Variants in EPHA3 observed in about 807,000 individuals in gnomAD.
The protein encoded by EPHA3 is EPH receptor A3.
A neutral mutation model predicts 107.1 loss-of-function variants in EPHA3; 42 were observed. The observed-to-expected ratio is 0.39, with a 90% CI of 0.31 to 0.51. The LOEUF is 0.51. Among genes scored for constraint, EPHA3 ranks in the 20% least tolerant of loss-of-function variants. EPHA3 has a pLI of 0.78. For missense variants in EPHA3, 1,183 were observed against 1,211.2 expected (o/e 0.98, Z 0.35); for synonymous variants, 461 against 424.8 (o/e 1.09, Z -1.05).
chr3:89,313,043 C>T (rs573911544), intron 3 of EPHA3, among the ~76,000 whole-genome samples: 2 of 152,012 alleles, frequency 1.3e-5, no homozygotes, highest in East Asian at 1.9e-4. Context: ...TTGCAGTGAA[C>T]GTATGTGTGC....
chr3:89,210,554 T>C, intron 3 of EPHA3, 34 bp downstream of exon 3: 1 of 1,514,272 alleles, frequency 6.6e-7, no homozygotes, highest in South Asian at 1.4e-5. Context: ...TTGAGCAATA[T>C]TTCTCACCTA....
intron 3 of EPHA3, among the ~76,000 whole-genome samples, chr3:89,219,171 T>G (rs973452929): frequency 4.6e-5 from 7 of 152,120 alleles, no homozygotes; most frequent in Admixed American, 4.6e-4. Context: ...ACAACATTTT[T>G]TTTTTTTTCG....
rs142263793 is a variant in EPHA3, at chr3:89,384,959, C to A, written c.1307-10878C>A. Among the ~76,000 whole-genome samples, 548 of 152,208 alleles carry A rather than the reference C, an allele frequency of 3.6e-3. 4 individuals carry two copies. The highest frequency in any genetic ancestry group is 0.012 in the African/African-American group (513 of 41,516). On this transcript the variant is annotated intron_variant, in intron 5 of 16. Transcript: ENST00000336596. ...CTAAAGAGATAAAAATATTGTAGAACATCCCAGAAAAGAGATAAGAATATT... is the reference window on the plus strand; with the variant it reads ...CTAAAGAGATAAAAATATTGTAGAAAATCCCAGAAAAGAGATAAGAATATT...
chr3:89,286,900 G>A (rs1379651922), intron 3 of EPHA3, among the ~76,000 whole-genome samples: 1 of 151,992 alleles, frequency 6.6e-6, no homozygotes, highest in African/African-American at 2.4e-5. Flanking sequence ...TCTGCAACAT[G>A]TCCTTGTTTT....
intron 3 of EPHA3, among the ~76,000 whole-genome samples, chr3:89,216,811 A>G (rs1345582566): frequency 6.6e-6 from 1 of 152,132 alleles, no homozygotes; most frequent in Non-Finnish European, 1.5e-5. Flanking sequence ...TTCAGAATAC[A>G]TGTAATGATT....
At position 89,147,747 on chromosome 3, in the gene EPHA3, A is replaced by G. The variant is rs182708324; in HGVS notation, c.153+20474A>G. 3.3e-4 allele frequency among the ~76,000 whole-genome samples: 50 copies of G among 152,022 alleles called. 1 individual carries two copies. The East Asian group carries it at 9.5e-3, about 29-fold the overall frequency. ...CACCCCTGAGGAATTTTGGTCTAGAAGTATAATATAGGGCATCAAAAGATG... is the reference window on the plus strand; with the variant it reads ...CACCCCTGAGGAATTTTGGTCTAGAGGTATAATATAGGGCATCAAAAGATG... On this transcript the variant is annotated intron_variant, in intron 2 of 16. Coordinates refer to ENST00000336596, the MANE Select transcript of EPHA3 (RefSeq NM_005233.6).
rs769153975 is a variant in EPHA3, at chr3:89,107,844, A to G, written c.88+8A>G. On this transcript the variant is annotated splice_region_variant and intron_variant, in intron 1 of 16. Coordinates refer to ENST00000336596, the MANE Select transcript of EPHA3 (RefSeq NM_005233.6). ...CGCAGCCTTCCAATGAAGGTAAGCC[A>G]GGTACCGCGACGCACGGAGCTCTGC... 3 of 1,613,552 alleles carry G rather than the reference A, an allele frequency of 1.9e-6. No individual in the cohort carries two copies. The highest frequency in any genetic ancestry group is 2.5e-6 in the Non-Finnish European group (3 of 1,179,650).
chr3:89,220,088 A>G (rs1047922403), intron 3 of EPHA3, among the ~76,000 whole-genome samples: 1 of 152,138 alleles, frequency 6.6e-6, no homozygotes, highest in East Asian at 1.9e-4. Flanking sequence ...CATGTTGCTA[A>G]ATATCCTACA....
intron 2 of EPHA3, among the ~76,000 whole-genome samples, chr3:89,137,545 G>A (rs1704341885): frequency 6.6e-6 from 1 of 151,910 alleles, no homozygotes; most frequent in Admixed American, 6.6e-5. Flanking sequence ...AATGCTTAAT[G>A]GCTATGATGT....
chr3:89,300,277 A>G (rs1706450675), intron 3 of EPHA3, among the ~76,000 whole-genome samples: 1 of 152,074 alleles, frequency 6.6e-6, no homozygotes, highest in African/African-American at 2.4e-5. Context: ...AAAGAGTTAT[A>G]GTTAGTGTCA....
At chr3:89,147,326 T>A (rs1704584043) in intron 2 of EPHA3, among the ~76,000 whole-genome samples, 1 of 151,728 alleles carries the variant, frequency 6.6e-6, no homozygotes, top group Admixed American at 6.6e-5. Flanking sequence ...GTTCTGCACA[T>A]GTATCCCAGA....
Position 89,332,082 on chromosome 3 carries a change from C to T in EPHA3, c.815-8834C>T, listed in dbSNP as rs191836835. On this transcript the variant is annotated intron_variant, in intron 3 of 16. Coordinates refer to ENST00000336596, the MANE Select transcript of EPHA3 (RefSeq NM_005233.6). ...ACTTTCTATCCCATTCTCGCTCTGG[C>T]CCTTCCCACATAATCGTCTGCTCAT... Among the ~76,000 whole-genome samples the T allele has an allele frequency of 4.6e-5, 7 of 152,262 alleles. No individual in the cohort carries two copies. The East Asian group carries it at 1.2e-3, about 25-fold the overall frequency.
intron 3 of EPHA3, among the ~76,000 whole-genome samples, chr3:89,237,499 A>C (rs1704794243): frequency 6.6e-6 from 1 of 152,228 alleles, no homozygotes. Context: ...TAATTGTCAC[A>C]AAATGTTACT....
intron 3 of EPHA3, among the ~76,000 whole-genome samples, chr3:89,337,956 A>G (rs1481891703): frequency 1.3e-5 from 2 of 152,200 alleles, no homozygotes; most frequent in Non-Finnish European, 2.9e-5. Flanking sequence ...TTCACTCATG[A>G]TCACATGTAA....
At chr3:89,123,575 G>T (rs547396135) in intron 1 of EPHA3, among the ~76,000 whole-genome samples, 41 of 152,244 alleles carry the variant, frequency 2.7e-4, no homozygotes, top group African/African-American at 9.6e-4. Context: ...AGTAAGGATT[G>T]CCTTCCCCTT....
intron 3 of EPHA3, among the ~76,000 whole-genome samples, chr3:89,224,299 C>G (rs1368611945): frequency 6.6e-6 from 1 of 152,114 alleles, no homozygotes; most frequent in Non-Finnish European, 1.5e-5. Context: ...ATGCGGTTGA[C>G]TAAATCTTTA....
At chr3:89,418,291 G>A (rs1375533794) in intron 10 of EPHA3, among the ~76,000 whole-genome samples, 1 of 151,348 alleles carries the variant, frequency 6.6e-6, no homozygotes, top group East Asian at 1.9e-4. Flanking sequence ...AAGTTCTTCT[G>A]TGAACAAAGG....
At chr3:89,123,114 C>A (rs1434569803) in intron 1 of EPHA3, among the ~76,000 whole-genome samples, 1 of 152,182 alleles carries the variant, frequency 6.6e-6, no homozygotes, top group Admixed American at 6.5e-5. Flanking sequence ...AGCCAATTTG[C>A]TCTATACTTT....
At chr3:89,186,341 A>G (rs1311093002) in intron 2 of EPHA3, among the ~76,000 whole-genome samples, 1 of 151,810 alleles carries the variant, frequency 6.6e-6, no homozygotes, top group African/African-American at 2.4e-5. Context: ...TAATGATACA[A>G]TCTGTAACTA....
Sources: gnomAD v4.1 joint callset for allele counts (sites outside exome capture counted in the v4.1 genomes callset) on GRCh38, gnomAD v4.1.1 for gene constraint, MANE v1.5 for transcripts, NCBI Gene and HGNC (gene_info 2026-07-23, HGNC 2026-07-21) for gene names.